Variants in ESR2 observed in about 807,000 individuals in gnomAD.
The protein encoded by ESR2 is estrogen receptor 2.
ESR2 carries 36 observed loss-of-function variants against 49.6 expected under a neutral mutation model. The ratio of observed to expected loss-of-function variants is 0.73; its 90% CI spans 0.56 to 0.96. The LOEUF (loss-of-function observed/expected upper bound fraction) is 0.96, where lower values mean the gene tolerates loss of function less well. Ranked by LOEUF, ESR2 falls within the 40% of genes least tolerant of loss-of-function variation. ESR2 has a pLI of 0.00. For missense variants in ESR2, 714 were observed against 693.0 expected, an observed-to-expected ratio of 1.03 and a Z score of -0.34; for synonymous variants, 320 against 266.1, an observed-to-expected ratio of 1.20 and a Z score of -1.97.
rs1400058161 is a variant in ESR2 at position 64,315,180 on chromosome 14, G to A, written c.-91+22718C>T. Among the ~76,000 whole-genome samples the A allele has an allele frequency of 3.4e-5, 5 of 147,278 alleles. No homozygotes were observed. In the South Asian group the frequency reaches 6.5e-4, roughly 19 times the overall value. On this transcript the variant is annotated intron_variant, in intron 1 of 8. Coordinates refer to the ESR2 transcript ENST00000358599. Reference sequence around the variant, plus strand: ...AATCACTTGAACCTGGGAGGTGGAGGTTGTGGTAAGCCAAGATCGCACCAC... The same window carrying A: ...AATCACTTGAACCTGGGAGGTGGAGATTGTGGTAAGCCAAGATCGCACCAC...
chr14:64,229,768 A>G lies in ESR2; in HGVS notation c.*3369T>C, dbSNP rs530497606. ...AAAATAAGGAAATAGCAGTTATTATAATAAGGATTAAATGTGAATGTCTGA... is the reference window on the plus strand; with the variant it reads ...AAAATAAGGAAATAGCAGTTATTATGATAAGGATTAAATGTGAATGTCTGA... On this transcript the variant is annotated 3_prime_UTR_variant, in exon 9 of 9. Coordinates refer to ENST00000341099, the MANE Select transcript of ESR2 (RefSeq NM_001437.3). 1.3e-5 allele frequency among the ~76,000 whole-genome samples: 2 copies of G among 152,314 alleles called. No homozygotes were observed. Among genetic ancestry groups the G allele is most frequent in the South Asian group, 4.1e-4 (2 of 4,828 alleles).
chr14:64,318,629 G>A (rs1567800513), intron 1 of ESR2, among the ~76,000 whole-genome samples: 1 of 151,366 alleles, frequency 6.6e-6, no homozygotes, highest in Non-Finnish European at 1.5e-5. Context: ...GCTGGGTGTG[G>A]TGGCTCACAT....
Position 64,257,296 on chromosome 14 carries a change from T to C in ESR2, c.1021A>G (p.Met341Val), listed in dbSNP as rs1188887997. Reference sequence around the variant, plus strand: ...TCAATTGAGCGCCACATCAGCCCCATCATTAACACCTCCATCCAACAGCTC... The same window carrying C: ...TCAATTGAGCGCCACATCAGCCCCACCATTAACACCTCCATCCAACAGCTC... ...LESCWMEVLM[M>V]GLMWRSIDHP... is the part of the protein sequence containing the mutation. Residue 341 changes from methionine to valine, a missense_variant, in exon 6 of 9, where the codon ATG becomes GTG. Physicochemically the swap from Met to Val is conservative, Grantham distance 21 (BLOSUM62 1). Coordinates refer to ENST00000341099, the MANE Select transcript of ESR2 (RefSeq NM_001437.3). 1 of 1,613,934 alleles carries C rather than the reference T, an allele frequency of 6.2e-7. No individual in the cohort carries two copies. The highest frequency in any genetic ancestry group is 1.7e-5 in the Admixed American group (1 of 60,002).
chr14:64,262,002 C>T (rs915182513), intron 4 of ESR2, among the ~76,000 whole-genome samples: 4 of 152,116 alleles, frequency 2.6e-5, no homozygotes, highest in African/African-American at 7.2e-5. Context: ...ACCCATTGGG[C>T]ATTAAAAATC....
rs1490274863 is a variant in ESR2 at position 64,260,622 on chromosome 14, A to C, written c.779T>G (p.Leu260Arg). 6.2e-7 allele frequency: 1 copy of C among 1,610,910 alleles called. No homozygotes were observed. The highest frequency in any genetic ancestry group is 8.5e-7 in the Non-Finnish European group (1 of 1,178,402). The change falls in exon 5 of 9, where the codon CTG (leucine) becomes CGG (arginine). Residue 260 changes from leucine to arginine, a missense_variant. Leu to Arg is a moderately radical substitution (Grantham distance 102, BLOSUM62 -2). Transcript: ENST00000341099. ...TAGCTGCTCGGGGCTCAGGGCGTCCAGCAGCAGCTCCCGCACTCGGGGCGC... is the reference window on the plus strand; with the variant it reads ...TAGCTGCTCGGGGCTCAGGGCGTCCCGCAGCAGCTCCCGCACTCGGGGCGC... ...GHAPRVRELLLDALSPEQLVL... is the reference protein window; with the variant it reads ...GHAPRVRELLRDALSPEQLVL...
In ESR2 at chr14:64,306,334, T is replaced by C. The variant is rs778571698; in HGVS notation, c.-90-23259A>G. ...TTTTTTCTCATCTAAATGCTTCTGC[T>C]ACTCCACTCCGTCCTGTCCTTAAAA... On this transcript the variant is annotated intron_variant, in intron 1 of 8. Coordinates refer to the ESR2 transcript ENST00000358599. Among the ~76,000 whole-genome samples, 48 of 152,356 alleles carry C rather than the reference T, an allele frequency of 3.2e-4. 1 individual carries two copies. The highest frequency in any genetic ancestry group is 3.4e-3 in the Middle Eastern group (1 of 294).
At chr14:64,337,694 G>A (rs556022478) in intron 1 of ESR2, among the ~76,000 whole-genome samples, 19 of 152,264 alleles carry the variant, frequency 1.2e-4, no homozygotes, top group Admixed American at 5.9e-4. Context: ...AAACAAAAAA[G>A]AGATTATCTA....
At chr14:64,257,498 A>T in intron 5 of ESR2, 134 bp from the exon 6 acceptor site, 1 of 1,109,652 alleles carries the variant, frequency 9.0e-7, no homozygotes, top group Non-Finnish European at 1.3e-6. Context: ...TATAGATGTG[A>T]TTAACTGCTC....
intron 1 of ESR2, among the ~76,000 whole-genome samples, chr14:64,323,165 G>T (rs928548373): frequency 7.2e-5 from 11 of 152,178 alleles, no homozygotes. Flanking sequence ...CCTTTAAACT[G>T]TTTAGCATAG....
intron 6 of ESR2, among the ~76,000 whole-genome samples, chr14:64,250,859 C>CA (rs1189546212): frequency 6.6e-6 from 1 of 152,206 alleles, no homozygotes; most frequent in Non-Finnish European, 1.5e-5. Flanking sequence ...CCGAAGCACT[C>CA]ACACTCTCCC....
intron 2 of ESR2, 143 bp downstream of exon 2, chr14:64,282,481 A>T: frequency 2.5e-6 from 2 of 802,094 alleles, no homozygotes; most frequent in Non-Finnish European, 3.9e-6. Flanking sequence ...AGAACAGGGC[A>T]TCCTGTGTTT....
chr14:64,301,315 CCG>C (rs1412268489), intron 1 of ESR2: 1 of 152,170 alleles, frequency 6.6e-6, no homozygotes, highest in Non-Finnish European at 1.5e-5. Flanking sequence ...AGTCACGTTC[CCG>C]CATGTTTGGG....
chr14:64,237,052 C>G (rs1241753503), intron 7 of ESR2, among the ~76,000 whole-genome samples: 1 of 152,080 alleles, frequency 6.6e-6, no homozygotes, highest in Non-Finnish European at 1.5e-5. Context: ...CCTCCGCCTC[C>G]CGGTTTCAAG....
At chr14:64,290,642 A>C (rs1223490238) in intron 1 of ESR2, among the ~76,000 whole-genome samples, 1 of 152,034 alleles carries the variant, frequency 6.6e-6, no homozygotes, top group Non-Finnish European at 1.5e-5. Context: ...CCCTCAAGTG[A>C]TCCAGCCACC....
At chr14:64,310,282 C>CAAAAAAA (rs35325527) in intron 1 of ESR2, among the ~76,000 whole-genome samples, 6 of 109,138 alleles carry the variant, frequency 5.5e-5, no homozygotes, top group African/African-American at 2.7e-4. Context: ...GACGTCGTCT[C>CAAAAAAA]AAAAAATAAT....
intron 1 of ESR2, among the ~76,000 whole-genome samples, chr14:64,312,720 A>G (rs8019025): frequency 0.16 from 24,602 of 151,974 alleles, 2,725 homozygotes; most frequent in African/African-American, 0.3. Flanking sequence ...TCAAAAGTTC[A>G]AGACCAGCCT....
intron 1 of ESR2, among the ~76,000 whole-genome samples, chr14:64,322,382 G>A (rs1431147410): frequency 6.6e-6 from 1 of 151,946 alleles, no homozygotes; most frequent in Non-Finnish European, 1.5e-5. Context: ...TTAAAGAAGA[G>A]GGATGCTTAC....
At chr14:64,289,530 A>C (rs1399953969) in intron 1 of ESR2, among the ~76,000 whole-genome samples, 1 of 151,998 alleles carries the variant, frequency 6.6e-6, no homozygotes, top group African/African-American at 2.4e-5. Flanking sequence ...ATAAAGAAAA[A>C]GAAAAAGAAA....
At chr14:64,278,298 A>C (rs971252475) in intron 3 of ESR2, among the ~76,000 whole-genome samples, 1 of 152,194 alleles carries the variant, frequency 6.6e-6, no homozygotes, top group African/African-American at 2.4e-5. Context: ...CTAGGAGGTG[A>C]AGTCGCAGAG....
Sources: gnomAD v4.1 joint callset for allele counts (sites outside exome capture counted in the v4.1 genomes callset) on GRCh38, gnomAD v4.1.1 for gene constraint, MANE v1.5 for transcripts, NCBI Gene and HGNC (gene_info 2026-07-23, HGNC 2026-07-21) for gene names.